TRAPPC8: variants seen among roughly 807,000 people sequenced by gnomAD.
TRAPPC8 encodes general sporulation gene 1 homolog.
A neutral mutation model predicts 174.3 loss-of-function variants in TRAPPC8; 54 were observed. That is an observed-to-expected ratio of 0.31 (90% CI 0.25 to 0.39). The LOEUF (loss-of-function observed/expected upper bound fraction) is 0.39, where lower values mean the gene tolerates loss of function less well. Among genes scored for constraint, TRAPPC8 ranks in the 10% least tolerant of loss-of-function variants. The pLI is 1.00. For synonymous variants in TRAPPC8, 630 were observed against 579.9 expected, an observed-to-expected ratio of 1.09 and a Z score of -1.24; for missense variants, 1,531 against 1,699.1, an observed-to-expected ratio of 0.90 and a Z score of 1.74.
At chr18:31,897,607 T>TA (rs1486185103) in intron 11 of TRAPPC8, among the ~76,000 whole-genome samples, 179 bp downstream of exon 11, 2 of 152,122 alleles carry the variant, frequency 1.3e-5, no homozygotes, top group Admixed American at 6.5e-5. Flanking sequence ...ACTTAATTTA[T>TA]AAAAAATTAC....
intron 12 of TRAPPC8, among the ~76,000 whole-genome samples, chr18:31,876,981 T>G (rs1161036144): frequency 6.6e-6 from 1 of 152,166 alleles, no homozygotes; most frequent in African/African-American, 2.4e-5. Flanking sequence ...CCCTAACATA[T>G]TCACAACTGC....
At chr18:31,920,945 CAAAAAAAAAAA>C (rs71177808) in intron 2 of TRAPPC8, among the ~76,000 whole-genome samples, 1,570 of 76,924 alleles carry the variant, frequency 0.02, 36 homozygotes, top group African/African-American at 0.07. Context: ...CACTCCGTCT[CAAAAAAAAAAA>C]AAAAAAAAAA....
chr18:31,896,929 T>C (rs1180423971), intron 11 of TRAPPC8, among the ~76,000 whole-genome samples: 1 of 152,112 alleles, frequency 6.6e-6, no homozygotes. Flanking sequence ...TGGCCACAAG[T>C]AGATAAATCT....
intron 3 of TRAPPC8, 86 bp from the exon 4 acceptor site, chr18:31,916,532 T>C (rs1022684704): frequency 2.4e-5 from 31 of 1,285,922 alleles, no homozygotes; most frequent in Non-Finnish European, 3.2e-5. Flanking sequence ...GGTTTTTGTT[T>C]GTTTGTTTGT....
chr18:31,879,068 C>T (rs772269385), intron 12 of TRAPPC8, among the ~76,000 whole-genome samples: 1 of 152,062 alleles, frequency 6.6e-6, no homozygotes. Flanking sequence ...GACAGATCAT[C>T]GAGGAAGAAA....
chr18:31,846,905 A>T (rs682279), intron 25 of TRAPPC8, 88 bp from the exon 26 acceptor site: 852,793 of 866,182 alleles, frequency 0.98, 419,812 homozygotes, highest in East Asian at 1. Flanking sequence ...AGTGGAAATA[A>T]TATGGCCAAT....
rs534750042 is a variant in TRAPPC8, at chr18:31,892,254, C to A, written c.1597-1388G>T. Among the ~76,000 whole-genome samples, 10 of 152,108 alleles carry A rather than the reference C, an allele frequency of 6.6e-5. No individual in the cohort carries two copies. In the South Asian group the frequency reaches 2.1e-3, roughly 32 times the overall value. On this transcript the variant is annotated intron_variant, in intron 11 of 28. Transcript: ENST00000283351. ...GCTTAATAGTGTTGTGTCATGTCACCCCTCCTATATATGTATGTGCATGTG... is the reference window on the plus strand; with the variant it reads ...GCTTAATAGTGTTGTGTCATGTCACACCTCCTATATATGTATGTGCATGTG...
chr18:31,887,421 G>C (rs2035764891), intron 12 of TRAPPC8, among the ~76,000 whole-genome samples: 1 of 152,130 alleles, frequency 6.6e-6, no homozygotes, highest in Non-Finnish European at 1.5e-5. Context: ...AAGGCGGACG[G>C]ATCACCTGAG....
intron 27 of TRAPPC8, among the ~76,000 whole-genome samples, chr18:31,834,291 G>C (rs1459705945): frequency 6.6e-6 from 1 of 151,836 alleles, no homozygotes; most frequent in Non-Finnish European, 1.5e-5. Flanking sequence ...TTATTTTTTA[G>C]TAGAGATGGG....
At chr18:31,909,497 AAAAC>A (rs1264936574) in intron 6 of TRAPPC8, 166 bp downstream of exon 6, 4 of 966,454 alleles carry the variant, frequency 4.1e-6, no homozygotes, top group South Asian at 4.8e-5. Context: ...TTAAGTGTCA[AAAAC>A]AAACTCAAGT....
chr18:31,829,480 C>G lies in TRAPPC8; in HGVS notation c.*1275G>C, dbSNP rs1212923744. 2 of 152,234 alleles carry G rather than the reference C, an allele frequency of 1.3e-5. No individual in the cohort carries two copies. The highest frequency in any genetic ancestry group is 2.4e-5 in the African/African-American group (1 of 41,420). The allele number at this position is 152,234 out of a possible 1,614,324, so 9.4% of individuals were successfully genotyped here. A position where few individuals can be genotyped will look rare whatever the true frequency, so the allele number is the denominator to read the frequency against. On this transcript the variant is annotated 3_prime_UTR_variant, in exon 29 of 29. Coordinates refer to ENST00000283351, the MANE Select transcript of TRAPPC8 (RefSeq NM_014939.5). ...CTGCTAAGACACAGAGTGGAAGGAG[C>G]TGAAAAGCCAGAGACCCACTTAAGA...
At chr18:31,875,680 T>C (rs1219963263) in intron 12 of TRAPPC8, among the ~76,000 whole-genome samples, 1 of 152,194 alleles carries the variant, frequency 6.6e-6, no homozygotes, top group African/African-American at 2.4e-5. Context: ...ATTAATAATA[T>C]ACCAGAATGA....
chr18:31,880,099 A>G (rs2035357965), intron 12 of TRAPPC8, among the ~76,000 whole-genome samples: 1 of 79,820 alleles, frequency 1.3e-5, no homozygotes, highest in African/African-American at 5.7e-5. Context: ...AAATATATAT[A>G]TATATATATA....
intron 2 of TRAPPC8, among the ~76,000 whole-genome samples, chr18:31,924,738 C>CAAAAAAAA (rs398032376): frequency 1.1e-5 from 1 of 91,890 alleles, no homozygotes; most frequent in African/African-American, 4.3e-5. Context: ...AACTCCGTCT[C>CAAAAAAAA]AAAAAAAAAA....
intron 5 of TRAPPC8, among the ~76,000 whole-genome samples, chr18:31,912,735 G>A (rs1484065341): frequency 6.6e-6 from 1 of 152,096 alleles, no homozygotes; most frequent in Non-Finnish European, 1.5e-5. Context: ...TTGACTGTAG[G>A]CATTCATAAT....
In TRAPPC8 at chr18:31,871,065, G is replaced by A; in HGVS notation, c.2118C>T (p.Ser706=). The change falls in exon 15 of 29, where the codon TCC becomes TCT. Residue 706 remains serine (S), a synonymous_variant. Coordinates refer to ENST00000283351, the MANE Select transcript of TRAPPC8 (RefSeq NM_014939.5). ...CCTCAAGTTCTCGCCACTGCTGAGA[G>A]GATTCAGAATCATATTCTTGATCAA... ...VSLDQEYDSE[S]SQQWRELEEQ... is the part of the protein sequence containing the mutation. 2 of 1,606,196 alleles carry A rather than the reference G, an allele frequency of 1.2e-6. No homozygotes were observed. The highest frequency in any genetic ancestry group is 1.7e-6 in the Non-Finnish European group (2 of 1,175,400).
chr18:31,880,134 T>A (rs1407837397), intron 12 of TRAPPC8, among the ~76,000 whole-genome samples: 2 of 131,472 alleles, frequency 1.5e-5, no homozygotes, highest in South Asian at 2.5e-4. Context: ...TTTTTTTTTT[T>A]AAGGAAGAAA....
intron 5 of TRAPPC8, among the ~76,000 whole-genome samples, chr18:31,912,870 G>A (rs2036977192): frequency 1.3e-5 from 2 of 152,108 alleles, no homozygotes; most frequent in Admixed American, 6.5e-5. Context: ...GCTCACACCT[G>A]TAACCCTAAC....
rs538125173 is a variant in TRAPPC8 at position 31,851,513 on chromosome 18, C to CTA, written c.3561+932_3561+933insTA. On this transcript the variant is annotated intron_variant, in intron 24 of 28. Transcript: ENST00000283351. ...TTGAATACCACTGTTCTAGGAGGCTCTTTTTTTTTTTTTCTTTTAAGAGAC... is the reference window on the plus strand; with the variant it reads ...TTGAATACCACTGTTCTAGGAGGCTCTATTTTTTTTTTTTTCTTTTAAGAGAC... Among the ~76,000 whole-genome samples, 932 of 145,788 alleles carry CTA rather than the reference C, an allele frequency of 6.4e-3. 12 individuals are homozygous for CTA. The highest frequency in any genetic ancestry group is 0.022 in the African/African-American group (892 of 39,816).
Sources: gnomAD v4.1 joint callset for allele counts (sites outside exome capture counted in the v4.1 genomes callset) on GRCh38, gnomAD v4.1.1 for gene constraint, MANE v1.5 for transcripts, NCBI Gene and HGNC (gene_info 2026-07-23, HGNC 2026-07-21) for gene names.